The following MACROD2 variants were observed in gnomAD, a reference collection of about 807,000 sequenced individuals.
The protein encoded by MACROD2 is ADP-ribose glycohydrolase MACROD2.
Under a neutral mutation model 70.4 loss-of-function variants are expected in MACROD2, and 36 were observed. The ratio of observed to expected loss-of-function variants is 0.51; its 90% CI spans 0.39 to 0.68. The LOEUF (loss-of-function observed/expected upper bound fraction) is 0.68. MACROD2 is among the 30% of genes least tolerant of loss of function. The probability of loss-of-function intolerance (pLI) is 0.00; values close to 1 mark genes in which losing one functional copy is unlikely to be tolerated. For synonymous variants in MACROD2, 172 were observed against 178.8 expected (o/e 0.96, Z 0.30); for missense variants, 496 against 538.4 (o/e 0.92, Z 0.78).
chr20:15,996,629 A>G lies in MACROD2; in HGVS notation c.1153+9471A>G, dbSNP rs1409251619. On this transcript the variant is annotated intron_variant, in intron 15 of 17. Coordinates refer to ENST00000684519, the MANE Select transcript of MACROD2 (RefSeq NM_001351661.2). Reference sequence around the variant, plus strand: ...CCCCTTATCATATAAATGGTTTACAAATATTTTCTCCCATTTTATATGTTG... The same window carrying G: ...CCCCTTATCATATAAATGGTTTACAGATATTTTCTCCCATTTTATATGTTG... 2.6e-5 allele frequency among the ~76,000 whole-genome samples: 4 copies of G among 152,044 alleles called. No individual in the cohort carries two copies. In the East Asian group the frequency reaches 5.8e-4, roughly 22 times the overall value.
intron 5 of MACROD2, among the ~76,000 whole-genome samples, chr20:14,803,563 C>G (rs1227736921): frequency 6.6e-6 from 1 of 152,042 alleles, no homozygotes; most frequent in Non-Finnish European, 1.5e-5. Flanking sequence ...TCACTGCAAC[C>G]TCTGCCTCCT....
At chr20:14,309,175 T>C (rs1445936223) in intron 3 of MACROD2, among the ~76,000 whole-genome samples, 1 of 152,194 alleles carries the variant, frequency 6.6e-6, no homozygotes, top group Non-Finnish European at 1.5e-5. Context: ...TACATTATTT[T>C]TTAATGAATA....
At chr20:15,145,383 G>A (rs1006529521) in intron 5 of MACROD2, among the ~76,000 whole-genome samples, 7 of 151,782 alleles carry the variant, frequency 4.6e-5, no homozygotes, top group Non-Finnish European at 7.4e-5. Context: ...TTTGAAAAAG[G>A]CATGTTTTTC....
intron 3 of MACROD2, among the ~76,000 whole-genome samples, chr20:14,393,530 C>T (rs1021901346): frequency 7.9e-5 from 12 of 152,098 alleles, no homozygotes; most frequent in South Asian, 2.1e-4. Flanking sequence ...GTAAGCCATG[C>T]GTAATATCTG....
intron 4 of MACROD2, among the ~76,000 whole-genome samples, chr20:14,593,885 G>A (rs1248478600): frequency 1.3e-5 from 2 of 152,112 alleles, no homozygotes; most frequent in African/African-American, 2.4e-5. Context: ...TTGTTTACTT[G>A]CATGAATGGG....
At chr20:15,490,103 C>A (rs1463979860) in intron 7 of MACROD2, among the ~76,000 whole-genome samples, 1 of 150,764 alleles carries the variant, frequency 6.6e-6, no homozygotes, top group African/African-American at 2.4e-5. Flanking sequence ...ATGACAAAGT[C>A]ACACCATACT....
At chr20:15,091,506 G>A (rs1322621128) in intron 5 of MACROD2, among the ~76,000 whole-genome samples, 1 of 151,898 alleles carries the variant, frequency 6.6e-6, no homozygotes, top group Non-Finnish European at 1.5e-5. Flanking sequence ...TTAGTGTTTT[G>A]TGAAGGAAAG....
At chr20:14,919,979 C>T (rs771043992) in intron 5 of MACROD2, among the ~76,000 whole-genome samples, 6 of 152,158 alleles carry the variant, frequency 3.9e-5, no homozygotes, top group Admixed American at 2.0e-4. Flanking sequence ...TCTAGCTCCT[C>T]CCACCCTGCC....
intron 5 of MACROD2, among the ~76,000 whole-genome samples, chr20:15,090,172 G>A (rs1409460755): frequency 6.7e-6 from 1 of 148,274 alleles, no homozygotes; most frequent in Non-Finnish European, 1.5e-5. Context: ...ATATATGCTA[G>A]GACATATAAT....
intron 5 of MACROD2, among the ~76,000 whole-genome samples, chr20:14,807,359 T>C (rs1005394331): frequency 6.6e-6 from 1 of 152,062 alleles, no homozygotes; most frequent in Non-Finnish European, 1.5e-5. Flanking sequence ...GCCTGACTGT[T>C]AGAAGGAAAC....
chr20:15,543,554 A>T (rs965925854), intron 8 of MACROD2, among the ~76,000 whole-genome samples: 2 of 152,124 alleles, frequency 1.3e-5, no homozygotes, highest in African/African-American at 2.4e-5. Flanking sequence ...GAGAATAGAA[A>T]CTTTTAGAAA....
chr20:15,296,270 G>T (rs2077587679), intron 6 of MACROD2, among the ~76,000 whole-genome samples: 1 of 152,084 alleles, frequency 6.6e-6, no homozygotes, highest in South Asian at 2.1e-4. Context: ...AAATGACCCA[G>T]CTTTTTCAAC....
chr20:15,468,149 G>A (rs572455592), intron 7 of MACROD2, among the ~76,000 whole-genome samples: 174 of 152,160 alleles, frequency 1.1e-3, no homozygotes, highest in African/African-American at 3.9e-3. Flanking sequence ...ATTTGAATAA[G>A]GACTAATGGC....
At chr20:14,016,894 G>T (rs1227241135) in intron 2 of MACROD2, among the ~76,000 whole-genome samples, 1 of 151,996 alleles carries the variant, frequency 6.6e-6, no homozygotes, top group Non-Finnish European at 1.5e-5. Flanking sequence ...AAAAAATACT[G>T]TTGGGATGCC....
rs925100199 is a variant in MACROD2, at chr20:15,055,237, A to G, written c.419-174703A>G. ...AGTGCTGGGATTATAGGCATGAGCC[A>G]CCACACCTGGGCTATACCCACAAAT... On this transcript the variant is annotated intron_variant, in intron 5 of 17. Transcript: ENST00000684519. Among the ~76,000 whole-genome samples the G allele has an allele frequency of 7.9e-4, 120 of 152,332 alleles. 1 individual carries two copies. Among genetic ancestry groups the G allele is most frequent in the African/African-American group, 2.7e-3 (113 of 41,570 alleles).
At chr20:15,799,822 A>G (rs949611292) in intron 8 of MACROD2, among the ~76,000 whole-genome samples, 5 of 152,208 alleles carry the variant, frequency 3.3e-5, no homozygotes, top group African/African-American at 1.2e-4. Context: ...TGGGACTGCT[A>G]TATCATATGG....
intron 6 of MACROD2, among the ~76,000 whole-genome samples, chr20:15,364,734 G>A (rs1247917449): frequency 6.6e-6 from 1 of 152,198 alleles, no homozygotes; most frequent in Admixed American, 6.5e-5. Flanking sequence ...AGATAGCTTA[G>A]AGCCAGCACA....
chr20:15,862,391 G>A lies in MACROD2; in HGVS notation c.646-354G>A, dbSNP rs746318796. ...ATTGTCATTCTGCTGTATACCTCTC[G>A]TGTGGCTGTTTTATAGGACATAAAG... On this transcript the variant is annotated intron_variant, in intron 8 of 17. Transcript: ENST00000684519. Among the ~76,000 whole-genome samples, 7 of 152,224 alleles carry A rather than the reference G, an allele frequency of 4.6e-5. 1 individual carries two copies. The highest frequency in any genetic ancestry group is 1.9e-4 in the East Asian group (1 of 5,182).
At position 14,921,032 on chromosome 20, in the gene MACROD2, T is replaced by G. The variant is rs151047494; in HGVS notation, c.418+236073T>G. ...TAAACATGAAATATGGAATCCAATTTTTGAAGAATATAGCCAGTCATCCCT... is the reference window on the plus strand; with the variant it reads ...TAAACATGAAATATGGAATCCAATTGTTGAAGAATATAGCCAGTCATCCCT... On this transcript the variant is annotated intron_variant, in intron 5 of 17. Coordinates refer to ENST00000684519, the MANE Select transcript of MACROD2 (RefSeq NM_001351661.2). Among the ~76,000 whole-genome samples, 12 of 152,324 alleles carry G rather than the reference T, an allele frequency of 7.9e-5. No individual in the cohort carries two copies. In the East Asian group the frequency reaches 1.5e-3, roughly 20 times the overall value.
Sources: gnomAD v4.1 joint callset for allele counts (sites outside exome capture counted in the v4.1 genomes callset) on GRCh38, gnomAD v4.1.1 for gene constraint, MANE v1.5 for transcripts, NCBI Gene and HGNC (gene_info 2026-07-23, HGNC 2026-07-21) for gene names.